GIGYF2: variants seen among roughly 807,000 people sequenced by gnomAD.
The protein encoded by GIGYF2 is GRB10 interacting GYF protein 2.
A neutral mutation model predicts 208.1 loss-of-function variants in GIGYF2; 25 were observed. The observed-to-expected ratio is 0.12, with a 90% CI of 0.09 to 0.17. The LOEUF (loss-of-function observed/expected upper bound fraction) is 0.17. Ranked by LOEUF, GIGYF2 falls within the 10% of genes least tolerant of loss-of-function variation. The pLI is 1.00. For missense variants in GIGYF2, 1,302 were observed against 1,579.4 expected (o/e 0.82, Z 2.98); for synonymous variants, 534 against 543.8 (o/e 0.98, Z 0.25).
intron 2 of GIGYF2, among the ~76,000 whole-genome samples, chr2:232,716,374 G>GTTTTTTTTTTTTTTTTTT (rs397988241): frequency 1.0e-5 from 1 of 100,290 alleles, no homozygotes; most frequent in Non-Finnish European, 1.9e-5. Flanking sequence ...GGTGTTATTT[G>GTTTTTTTTTTTTTTTTTT]TTTTTTTTTT....
At chr2:232,780,882 C>T (rs79601296) in intron 8 of GIGYF2, among the ~76,000 whole-genome samples, 15 of 152,216 alleles carry the variant, frequency 9.9e-5, no homozygotes, top group South Asian at 2.1e-4. Context: ...AATTTTTAGA[C>T]GTGAAGGGAA....
At chr2:232,718,239 AGGC>A (rs1696781734) in intron 2 of GIGYF2, among the ~76,000 whole-genome samples, 1 of 152,066 alleles carries the variant, frequency 6.6e-6, no homozygotes. Flanking sequence ...CTAGGATTAC[AGGC>A]GCCCACCACC....
At chr2:232,758,608 G>T (rs1698630648) in intron 6 of GIGYF2, among the ~76,000 whole-genome samples, 1 of 152,150 alleles carries the variant, frequency 6.6e-6, no homozygotes. Context: ...GATCGTTGTA[G>T]TATGTCCCAC....
chr2:232,746,131 C>T (rs964397267), intron 3 of GIGYF2, among the ~76,000 whole-genome samples: 1 of 151,246 alleles, frequency 6.6e-6, no homozygotes, highest in Admixed American at 6.6e-5. Context: ...TTGTCATCTG[C>T]TTTTTGGTGC....
At chr2:232,768,503 G>A in intron 8 of GIGYF2, 1 of 1,614,156 alleles carries the variant, frequency 6.2e-7, no homozygotes, top group Non-Finnish European at 8.5e-7. Flanking sequence ...TTTCATGCTG[G>A]AGCAGAGTAG....
intron 18 of GIGYF2, among the ~76,000 whole-genome samples, chr2:232,813,187 CTTTTTT>C (rs894736273): frequency 3.2e-5 from 4 of 123,890 alleles, no homozygotes; most frequent in Admixed American, 1.6e-4. Flanking sequence ...TCTTTGCTTT[CTTTTTT>C]TTTTTTTTTT....
chr2:232,802,125 C>T (rs1163206745), intron 14 of GIGYF2, among the ~76,000 whole-genome samples: 2 of 151,954 alleles, frequency 1.3e-5, no homozygotes, highest in Admixed American at 6.6e-5. Flanking sequence ...TGTGTCCTGC[C>T]ACTTTGCTGA....
chr2:232,832,145 G>A lies in GIGYF2; in HGVS notation c.2530-712G>A, dbSNP rs891173622. Among the ~76,000 whole-genome samples, 6 of 152,182 alleles carry A rather than the reference G, an allele frequency of 3.9e-5. No homozygotes were observed. The East Asian group carries it at 7.7e-4, about 20-fold the overall frequency. ...CCTCCTAAAGGCTAGGCAAGTCTCCGAGTGGCTGACTTCTATCTGACCTAC... is the reference window on the plus strand; with the variant it reads ...CCTCCTAAAGGCTAGGCAAGTCTCCAAGTGGCTGACTTCTATCTGACCTAC... On this transcript the variant is annotated intron_variant, in intron 21 of 28. Coordinates refer to ENST00000373563, the MANE Select transcript of GIGYF2 (RefSeq NM_001103146.3).
chr2:232,709,417 G>A (rs546420233), intron 2 of GIGYF2, among the ~76,000 whole-genome samples: 1 of 152,294 alleles, frequency 6.6e-6, no homozygotes, highest in Non-Finnish European at 1.5e-5. Context: ...TAGAACTCCT[G>A]AGCTAAAGTG....
At chr2:232,839,352 T>C (rs992151467) in intron 22 of GIGYF2, among the ~76,000 whole-genome samples, 1 of 152,222 alleles carries the variant, frequency 6.6e-6, no homozygotes, top group African/African-American at 2.4e-5. Context: ...TGGCTCCCTT[T>C]CATAAAGGCT....
chr2:232,856,808 C>T lies in GIGYF2; in HGVS notation c.3848C>T (p.Ala1283Val). 6.2e-7 allele frequency: 1 copy of T among 1,612,714 alleles called. No homozygotes were observed. The highest frequency in any genetic ancestry group is 8.5e-7 in the Non-Finnish European group (1 of 1,178,678). ...DPSLLGFSVN[A>V]SSERLNMGEI... is the part of the protein sequence containing the mutation. The stretch of plus-strand genomic sequence containing the variant: ...TTTTCTGCAGGATTTTCAGTCAATG[C>T]ATCATCGGAGCGACTCAACATGGGT... The change falls in exon 29 of 29, where the codon GCA becomes GTA. Residue 1283 changes from alanine to valine, a missense_variant. This residue lies in a region of GIGYF2 where 25 missense variants were observed against 53.7 expected (regional missense o/e 0.47). Transcript: ENST00000373563.
rs755816310 is a variant in GIGYF2, at chr2:232,790,739, C to T, written c.754C>T (p.Arg252Cys). The change falls in exon 10 of 29, where the codon CGT becomes TGT. Residue 252 changes from arginine to cysteine, a missense_variant. By Grantham distance (180) the Arg-to-Cys change is radical. Transcript: ENST00000373563. Reference protein sequence around the residue: ...SAGWREHMERRRRFEFDFRDR... With the variant: ...SAGWREHMERCRRFEFDFRDR... ...AGGCTGGCGGGAACACATGGAACGACGTCGGAGGTTTGAGTTTGATTTTCG... is the reference window on the plus strand; with the variant it reads ...AGGCTGGCGGGAACACATGGAACGATGTCGGAGGTTTGAGTTTGATTTTCG... 3 of 1,613,926 alleles carry T rather than the reference C, an allele frequency of 1.9e-6. No individual in the cohort carries two copies. Among genetic ancestry groups the T allele is most frequent in the South Asian group, 1.1e-5 (1 of 91,088 alleles).
Position 232,856,969 on chromosome 2 carries a change from C to T in GIGYF2, c.*109C>T, listed in dbSNP as rs1690602285. 1 of 821,924 alleles carries T rather than the reference C, an allele frequency of 1.2e-6. No homozygotes were observed. The allele number at this position is 821,924 out of a possible 1,614,324, so 50.9% of individuals were successfully genotyped here. On this transcript the variant is annotated 3_prime_UTR_variant, in exon 29 of 29. Coordinates refer to ENST00000373563, the MANE Select transcript of GIGYF2 (RefSeq NM_001103146.3). ...TACTCTTTATCACTCTGCAACAAAT[C>T]ACAGAACCGATCATCTCAGGCTTTT...
intron 8 of GIGYF2, among the ~76,000 whole-genome samples, chr2:232,777,918 A>G (rs1362924401): frequency 6.6e-6 from 1 of 152,036 alleles, no homozygotes; most frequent in Non-Finnish European, 1.5e-5. Context: ...TGTATCTGTC[A>G]TGTGTTTTGA....
chr2:232,717,591 C>A (rs756789685), intron 2 of GIGYF2, among the ~76,000 whole-genome samples: 1 of 152,108 alleles, frequency 6.6e-6, no homozygotes, highest in Non-Finnish European at 1.5e-5. Flanking sequence ...ATACCTGAGA[C>A]TGGGTGATTT....
intron 2 of GIGYF2, among the ~76,000 whole-genome samples, chr2:232,716,901 G>A (rs1696708479): frequency 6.6e-6 from 1 of 151,794 alleles, no homozygotes; most frequent in Non-Finnish European, 1.5e-5. Flanking sequence ...AACCTCCTGG[G>A]CTCAGGTGAT....
At chr2:232,707,861 C>T (rs140806334) in intron 2 of GIGYF2, among the ~76,000 whole-genome samples, 2,330 of 152,186 alleles carry the variant, frequency 0.015, 70 homozygotes, top group African/African-American at 0.054. Flanking sequence ...TGGTCCCGAA[C>T]TCTTGACCTC....
At chr2:232,797,354 T>G (rs1449189937) in intron 14 of GIGYF2, among the ~76,000 whole-genome samples, 1 of 152,188 alleles carries the variant, frequency 6.6e-6, no homozygotes, top group Non-Finnish European at 1.5e-5. Flanking sequence ...CTGTGAGCTC[T>G]CTCCAATGAA....
chr2:232,768,936 G>C, intron 8 of GIGYF2: 2 of 775,442 alleles, frequency 2.6e-6, no homozygotes. Context: ...CAGTGAGTCA[G>C]GAATTGAACT....
Sources: allele counts gnomAD v4.1 joint callset (sites outside exome capture counted in the v4.1 genomes callset), GRCh38; gene constraint gnomAD v4.1.1; regional missense constraint gnomAD v4.1.1; transcripts MANE v1.5; gene names NCBI Gene and HGNC (gene_info 2026-07-23, HGNC 2026-07-21).